The following GLI3 variants were observed in gnomAD, a reference collection of about 807,000 sequenced individuals.
GLI3 encodes the protein transcription activator GLI3.
A neutral mutation model predicts 100.8 loss-of-function variants in GLI3; 20 were observed. That is an observed-to-expected ratio of 0.20 (90% confidence interval 0.14 to 0.29). The LOEUF is 0.29. GLI3 is among the 10% of genes least tolerant of loss of function. The pLI is 1.00. For missense variants in GLI3, 2,040 were observed against 2,128.5 expected (o/e 0.96, Z 0.82); for synonymous variants, 938 against 860.5 (o/e 1.09, Z -1.58).
At chr7:42,210,357 G>C (rs1342177220) in intron 2 of GLI3, among the ~76,000 whole-genome samples, 1 of 55,878 alleles carries the variant, frequency 1.8e-5, no homozygotes, top group Non-Finnish European at 3.3e-5. Context: ...CCCCCCCCAA[G>C]TTAAAATAAG....
chr7:41,971,848 G>A (rs548783435), intron 13 of GLI3, among the ~76,000 whole-genome samples: 18 of 152,248 alleles, frequency 1.2e-4, no homozygotes, highest in African/African-American at 4.1e-4. Flanking sequence ...CCGACTGACC[G>A]GCAGTCCGTC....
rs770253341 is a variant in GLI3, at chr7:41,964,870, G to A, written c.4203C>T (p.Ser1401=). The A allele has an allele frequency of 6.2e-7, 1 of 1,613,742 alleles. No individual in the cohort carries two copies. The highest frequency in any genetic ancestry group is 1.3e-5 in the African/African-American group (1 of 74,932). The part of the protein sequence containing the change: ...GSRRQAMPRD[S]LALQSGQLSD... The stretch of plus-strand genomic sequence containing the variant: ...TGAGCTGTCCTGACTGCAGAGCAAG[G>A]CTGTCCCTCGGCATAGCCTGGCGCC... The change falls in exon 15 of 15, where the codon AGC becomes AGT. Residue 1401 remains serine, a synonymous_variant. Transcript: ENST00000395925.
chr7:42,179,993 G>A (rs773722350), intron 2 of GLI3, among the ~76,000 whole-genome samples: 1 of 152,204 alleles, frequency 6.6e-6, no homozygotes, highest in African/African-American at 2.4e-5. Context: ...GAATTTGGAC[G>A]TTATAAGCAA....
chr7:42,079,249 G>A (rs1784948218), intron 3 of GLI3, among the ~76,000 whole-genome samples: 1 of 152,108 alleles, frequency 6.6e-6, no homozygotes, highest in Admixed American at 6.5e-5. Context: ...ACAGTTAAAA[G>A]CCACCCTCTG....
intron 2 of GLI3, chr7:42,152,591 C>G (rs1463272542): frequency 5.7e-6 from 1 of 175,374 alleles, no homozygotes; most frequent in African/African-American, 2.4e-5. Context: ...CTATTCAAGC[C>G]TCTCTCTCCA....
intron 2 of GLI3, among the ~76,000 whole-genome samples, chr7:42,165,819 G>A (rs762633287): frequency 3.3e-5 from 5 of 152,122 alleles, no homozygotes; most frequent in Non-Finnish European, 7.4e-5. Context: ...GTAGAATCTA[G>A]TCTTGCAAAC....
chr7:42,169,172 T>A (rs1434774206), intron 2 of GLI3, among the ~76,000 whole-genome samples: 2 of 152,196 alleles, frequency 1.3e-5, no homozygotes, highest in East Asian at 1.9e-4. Flanking sequence ...CTGCTTCAGA[T>A]CTGTCTCTGT....
intron 3 of GLI3, among the ~76,000 whole-genome samples, chr7:42,111,797 G>C (rs1440656319): frequency 2.6e-5 from 4 of 152,164 alleles, no homozygotes; most frequent in Non-Finnish European, 5.9e-5. Flanking sequence ...AACCAGGTGG[G>C]ATGGCTTAGG....
chr7:42,017,922 C>T (rs1487494432), intron 10 of GLI3, among the ~76,000 whole-genome samples: 2 of 152,128 alleles, frequency 1.3e-5, no homozygotes. Flanking sequence ...TGGCCTTGGA[C>T]GTTGGGGACA....
At chr7:41,983,249 C>T (rs986844933) in intron 10 of GLI3, among the ~76,000 whole-genome samples, 2 of 152,000 alleles carry the variant, frequency 1.3e-5, no homozygotes, top group African/African-American at 4.8e-5. Flanking sequence ...GAAGGAGGTA[C>T]GTTCTAGTGC....
In GLI3 at chr7:42,087,793, T is replaced by C. The variant is rs751579206; in HGVS notation, c.368-10936A>G. On this transcript the variant is annotated intron_variant, in intron 3 of 14. Coordinates refer to ENST00000395925, the MANE Select transcript of GLI3 (RefSeq NM_000168.6). ...TATTATTGTTACGCTTTGGAATCCATTGAAATTCCAGCATGTTTACTGCAC... is the reference window on the plus strand; with the variant it reads ...TATTATTGTTACGCTTTGGAATCCACTGAAATTCCAGCATGTTTACTGCAC... Among the ~76,000 whole-genome samples the C allele has an allele frequency of 2.4e-4, 36 of 152,086 alleles. 1 individual carries two copies. Among genetic ancestry groups the C allele is most frequent in the Middle Eastern group, 3.4e-3 (1 of 294 alleles).
rs543636524 is a variant in GLI3 at position 41,965,462 on chromosome 7, G to C, written c.3611C>G (p.Pro1204Arg). The change falls in exon 15 of 15, where the codon CCC becomes CGC. Residue 1204 changes from proline to arginine, a missense_variant. By Grantham distance (103) the Pro-to-Arg change is moderately radical. Transcript: ENST00000395925. ...CNGMVVHPQNPLRSGPAGGYQ... is the reference protein window; with the variant it reads ...CNGMVVHPQNRLRSGPAGGYQ... ...GCCCCCAGCAGGCCCGCTCCTCAAG[G>C]GGTTCTGCGGGTGGACGACCATGCC... is the stretch of plus-strand genomic sequence containing the variant. The C allele has an allele frequency of 3.5e-5, 56 of 1,608,758 alleles. No homozygotes were observed. In the African/African-American group the frequency reaches 6.0e-4, roughly 17 times the overall value.
At chr7:42,133,164 A>AT (rs1786336898) in intron 3 of GLI3, among the ~76,000 whole-genome samples, 1 of 152,356 alleles carries the variant, frequency 6.6e-6, no homozygotes, top group South Asian at 2.1e-4. Context: ...ACATTCTCTC[A>AT]TATCATCAGC....
At chr7:42,219,606 C>T (rs1004845668) in intron 2 of GLI3, among the ~76,000 whole-genome samples, 2 of 152,164 alleles carry the variant, frequency 1.3e-5, no homozygotes, top group Non-Finnish European at 2.9e-5. Context: ...GGAGCAGATA[C>T]TCAGCTGAGA....
intron 10 of GLI3, among the ~76,000 whole-genome samples, chr7:41,989,578 T>G (rs1273827262): frequency 6.6e-6 from 1 of 152,192 alleles, no homozygotes; most frequent in Admixed American, 6.5e-5. Flanking sequence ...GCAATTGCAT[T>G]TATATCCAAG....
chr7:42,233,647 C>A (rs967148977), intron 1 of GLI3, among the ~76,000 whole-genome samples: 4 of 152,142 alleles, frequency 2.6e-5, no homozygotes, highest in African/African-American at 9.7e-5. Flanking sequence ...ACAGGCCCAT[C>A]AAATAAAAGT....
chr7:42,007,910 TTAAAA>T (rs145198226), intron 10 of GLI3, among the ~76,000 whole-genome samples: 9,457 of 151,894 alleles, frequency 0.062, 419 homozygotes, highest in Non-Finnish European at 0.096. Flanking sequence ...AATAAAAAAA[TTAAAA>T]TAAAGAAGGA....
intron 3 of GLI3, among the ~76,000 whole-genome samples, chr7:42,100,070 T>C (rs1231748027): frequency 6.6e-6 from 1 of 152,266 alleles, no homozygotes. Context: ...CACAGGCAGC[T>C]TTCTCATAGC....
At chr7:42,005,458 TACACACACACACACAC>T (rs3030321) in intron 10 of GLI3, among the ~76,000 whole-genome samples, 11 of 143,518 alleles carry the variant, frequency 7.7e-5, no homozygotes, top group African/African-American at 2.1e-4. Flanking sequence ...TGAATTCACA[TACACACACACACACAC>T]ACACACACAC....
Sources: gnomAD v4.1 joint callset for allele counts (sites outside exome capture counted in the v4.1 genomes callset) on GRCh38, gnomAD v4.1.1 for gene constraint, MANE v1.5 for transcripts, NCBI Gene and HGNC (gene_info 2026-07-23, HGNC 2026-07-21) for gene names.